PARM1: variants seen among roughly 807,000 people sequenced by gnomAD.
PARM1 encodes the protein prostate androgen-regulated mucin-like protein 1, also known as WSC4, cell wall integrity and stress response component 4 homolog.
Under a neutral mutation model 24.6 loss-of-function variants are expected in PARM1, and 14 were observed. The ratio of observed to expected loss-of-function variants is 0.57; its 90% CI spans 0.38 to 0.89. The LOEUF (loss-of-function observed/expected upper bound fraction) is 0.89, where lower values mean the gene tolerates loss of function less well. Ranked by LOEUF, PARM1 falls within the 40% of genes least tolerant of loss-of-function variation. PARM1 has a pLI of 0.00. For synonymous variants in PARM1, 179 were observed against 156.6 expected (o/e 1.14, Z -1.07); for missense variants, 362 against 380.4 (o/e 0.95, Z 0.40).
rs1723606210 is a variant in PARM1 at position 75,046,488 on chromosome 4, A to T, written c.*241A>T. ...TGCAGCTGAAGTGGGCCAGCCTTGC[A>T]CCAGCCAGGCCAGACCACCATGGTG... On this transcript the variant is annotated 3_prime_UTR_variant, in exon 4 of 4. Transcript: ENST00000307428. 2.3e-6 allele frequency: 1 copy of T among 425,740 alleles called. No individual in the cohort carries two copies. The highest frequency in any genetic ancestry group is 3.8e-5 in the Admixed American group (1 of 26,150). The allele number at this position is 425,740 out of a possible 1,614,324, so 26.4% of individuals were successfully genotyped here. A position where few individuals can be genotyped will look rare whatever the true frequency, so the allele number is the denominator to read the frequency against.
chr4:74,951,248 A>G (rs772448510), intron 1 of PARM1, among the ~76,000 whole-genome samples: 1 of 152,054 alleles, frequency 6.6e-6, no homozygotes, highest in Non-Finnish European at 1.5e-5. Flanking sequence ...CAGGTTCAAT[A>G]CTCTGTTGTT....
At chr4:75,023,135 A>T (rs558164120) in intron 2 of PARM1, among the ~76,000 whole-genome samples, 7 of 152,362 alleles carry the variant, frequency 4.6e-5, no homozygotes, top group Admixed American at 4.6e-4. Flanking sequence ...ACACTTTGCC[A>T]TATTTCCATG....
chr4:74,972,216 C>T (rs1722052098), intron 1 of PARM1, among the ~76,000 whole-genome samples: 2 of 152,184 alleles, frequency 1.3e-5, no homozygotes, highest in Non-Finnish European at 2.9e-5. Context: ...CCACATGGCT[C>T]TGGGATTGCC....
chr4:74,966,251 T>G (rs992764398), intron 1 of PARM1, among the ~76,000 whole-genome samples: 1 of 152,146 alleles, frequency 6.6e-6, no homozygotes, highest in African/African-American at 2.4e-5. Flanking sequence ...TAATACGTCT[T>G]AAAATGGCAA....
At chr4:74,979,887 T>G (rs1011397196) in intron 1 of PARM1, among the ~76,000 whole-genome samples, 1 of 152,130 alleles carries the variant, frequency 6.6e-6, no homozygotes, top group Non-Finnish European at 1.5e-5. Context: ...TCTCACTAGA[T>G]GGAGAAAAAG....
At chr4:75,045,115 G>C (rs1451415742) in intron 3 of PARM1, among the ~76,000 whole-genome samples, 4 of 152,198 alleles carry the variant, frequency 2.6e-5, no homozygotes, top group Non-Finnish European at 5.9e-5. Context: ...AGACTTGAAG[G>C]AAATGAGAGA....
chr4:75,018,423 A>G (rs1723028452), intron 2 of PARM1, among the ~76,000 whole-genome samples: 3 of 152,228 alleles, frequency 2.0e-5, no homozygotes, highest in Admixed American at 6.5e-5. Flanking sequence ...GGGAATATGT[A>G]TGTCAAGTTG....
intron 2 of PARM1, among the ~76,000 whole-genome samples, chr4:75,021,129 C>G (rs188069469): frequency 1.3e-5 from 2 of 152,300 alleles, no homozygotes; most frequent in East Asian, 3.9e-4. Context: ...ATCAATCAAT[C>G]AATCAATGAT....
rs1228861957 is a variant in PARM1, at chr4:75,046,203, G to A, written c.889G>A (p.Gly297Arg). 1.4e-5 allele frequency: 22 copies of A among 1,612,950 alleles called. No homozygotes were observed. The highest frequency in any genetic ancestry group is 6.7e-5 in the East Asian group (3 of 44,868). The change falls in exon 4 of 4, where the codon GGG (glycine) becomes AGG (arginine). Residue 297 changes from glycine (G) to arginine (R), a missense_variant. Coordinates refer to ENST00000307428, the MANE Select transcript of PARM1 (RefSeq NM_015393.4). Reference protein sequence around the residue: ...YGRLLDDHDYGSWGNYNNPLY... With the variant: ...YGRLLDDHDYRSWGNYNNPLY... ...AAGACTTTTGGACGACCATGACTAC[G>A]GGTCCTGGGGAAACTACAACAACCC...
At chr4:74,997,104 C>T (rs1466868038) in intron 1 of PARM1, among the ~76,000 whole-genome samples, 1 of 152,202 alleles carries the variant, frequency 6.6e-6, no homozygotes, top group African/African-American at 2.4e-5. Flanking sequence ...GTGCTTCCTC[C>T]TGCAGAGACC....
chr4:74,960,891 T>C (rs902396420), intron 1 of PARM1, among the ~76,000 whole-genome samples: 1 of 150,198 alleles, frequency 6.7e-6, no homozygotes, highest in African/African-American at 2.4e-5. Context: ...GGCAGGCCCC[T>C]GTAGCTGGCA....
At chr4:75,042,362 T>C (rs1355805240) in intron 3 of PARM1, among the ~76,000 whole-genome samples, 1 of 152,202 alleles carries the variant, frequency 6.6e-6, no homozygotes, top group African/African-American at 2.4e-5. Flanking sequence ...AGACTTTTAG[T>C]AAATAAAATT....
At chr4:75,044,039 T>C (rs1723550856) in intron 3 of PARM1, among the ~76,000 whole-genome samples, 2 of 131,606 alleles carry the variant, frequency 1.5e-5, no homozygotes, top group Non-Finnish European at 3.2e-5. Flanking sequence ...AAAGGTCTAG[T>C]TCTTTGCAAA....
At chr4:75,027,274 ATT>A (rs1723200760) in intron 2 of PARM1, among the ~76,000 whole-genome samples, 2 of 151,892 alleles carry the variant, frequency 1.3e-5, no homozygotes, top group South Asian at 4.2e-4. Flanking sequence ...GCCCCTGCCT[ATT>A]GGGTCTCTAC....
At chr4:75,030,644 A>G (rs1461114900) in intron 2 of PARM1, among the ~76,000 whole-genome samples, 6 of 152,176 alleles carry the variant, frequency 3.9e-5, no homozygotes, top group Non-Finnish European at 8.8e-5. Flanking sequence ...GGGATTATAA[A>G]ATATATAGAT....
At chr4:75,035,325 G>T (rs573299916) in intron 3 of PARM1, among the ~76,000 whole-genome samples, 52 of 152,274 alleles carry the variant, frequency 3.4e-4, no homozygotes, top group African/African-American at 1.2e-3. Context: ...ACCTGGATTT[G>T]TCTGTGAGGA....
chr4:74,933,738 C>CTTG (rs1721117602), intron 1 of PARM1, among the ~76,000 whole-genome samples: 1 of 152,184 alleles, frequency 6.6e-6, no homozygotes, highest in Non-Finnish European at 1.5e-5. Flanking sequence ...GACCAGACTT[C>CTTG]TTGTTGCCGT....
intron 2 of PARM1, among the ~76,000 whole-genome samples, chr4:75,027,205 C>G (rs908145964): frequency 9.2e-5 from 14 of 152,140 alleles, no homozygotes; most frequent in African/African-American, 3.4e-4. Context: ...TCCTGCCCAC[C>G]CCAGAATGGT....
chr4:74,949,930 CA>C (rs1721491533), intron 1 of PARM1, among the ~76,000 whole-genome samples: 1 of 151,486 alleles, frequency 6.6e-6, no homozygotes, highest in Admixed American at 6.6e-5. Context: ...TTTATGTCAC[CA>C]AAAAGATACT....
Sources: allele counts gnomAD v4.1 joint callset (sites outside exome capture counted in the v4.1 genomes callset), GRCh38; gene constraint gnomAD v4.1.1; transcripts MANE v1.5; gene names NCBI Gene and HGNC (gene_info 2026-07-23, HGNC 2026-07-21).